Variants in GFRA1 observed in about 807,000 individuals in gnomAD.
GFRA1 encodes the protein GDNF family receptor alpha-1.
In GFRA1, 16 loss-of-function variants were observed where a neutral mutation model predicts 51.6. That is an observed-to-expected ratio of 0.31 (90% CI 0.21 to 0.47). The LOEUF is 0.47. Ranked by LOEUF, GFRA1 falls within the 20% of genes least tolerant of loss-of-function variation. GFRA1 has a pLI of 1.00. For synonymous variants in GFRA1, 270 were observed against 241.3 expected (o/e 1.12, Z -1.10); for missense variants, 530 against 594.3 (o/e 0.89, Z 1.13).
intron 5 of GFRA1, among the ~76,000 whole-genome samples, chr10:116,188,505 G>C (rs1249757064): frequency 2.6e-5 from 4 of 152,188 alleles, no homozygotes; most frequent in African/African-American, 4.8e-5. Flanking sequence ...TAGAGTTTCA[G>C]TTTGGGATGA....
At chr10:116,200,195 A>G (rs1405993991) in intron 5 of GFRA1, among the ~76,000 whole-genome samples, 1 of 152,198 alleles carries the variant, frequency 6.6e-6, no homozygotes, top group East Asian at 1.9e-4. Context: ...TCTCCTTCTT[A>G]GACACATGCT....
chr10:116,271,971 G>A lies in GFRA1; in HGVS notation c.40+19C>T, dbSNP rs1431418398. On this transcript the variant is annotated intron_variant, in intron 2 of 10. Transcript: ENST00000355422. The stretch of plus-strand genomic sequence containing the variant: ...AAAGACTCAGAGGGTAAGAAAGCCC[G>A]CGGCGGGCCTCGACTTACCCAAGAG... 7 of 1,548,954 alleles carry A rather than the reference G, an allele frequency of 4.5e-6. No individual in the cohort carries two copies. The East Asian group carries it at 9.8e-5, about 22-fold the overall frequency.
chr10:116,241,358 G>GAA (rs144131265), intron 4 of GFRA1, among the ~76,000 whole-genome samples: 1,717 of 152,254 alleles, frequency 0.011, 31 homozygotes, highest in African/African-American at 0.038. Flanking sequence ...TTGGAGAACC[G>GAA]AATCTGTCAA....
intron 4 of GFRA1, among the ~76,000 whole-genome samples, chr10:116,245,501 G>T (rs117853568): frequency 6.6e-6 from 1 of 152,214 alleles, no homozygotes; most frequent in Non-Finnish European, 1.5e-5. Context: ...TGGTACAGCC[G>T]CTTTGCAAGA....
chr10:116,165,659 T>TCTCA (rs1960306362), intron 5 of GFRA1, among the ~76,000 whole-genome samples: 1 of 32,428 alleles, frequency 3.1e-5, no homozygotes, highest in East Asian at 8.3e-4. Flanking sequence ...GCTCTTTCTC[T>TCTCA]CACTCTCACA....
At chr10:116,241,009 G>C (rs1210660205) in intron 4 of GFRA1, among the ~76,000 whole-genome samples, 4 of 152,088 alleles carry the variant, frequency 2.6e-5, no homozygotes, top group Admixed American at 1.3e-4. Flanking sequence ...ATCTGCTCCA[G>C]ACCTTAAGCT....
intron 5 of GFRA1, among the ~76,000 whole-genome samples, chr10:116,194,414 G>C (rs1963556245): frequency 6.6e-6 from 1 of 152,174 alleles, no homozygotes; most frequent in South Asian, 2.1e-4. Context: ...GAACCCAGTA[G>C]ACACTCTGTT....
Position 116,272,352 on chromosome 10 carries a change from C to T in GFRA1, c.-246-77G>A. The T allele has an allele frequency of 2.1e-6, 1 of 468,764 alleles. No homozygotes were observed. Among genetic ancestry groups the T allele is most frequent in the Middle Eastern group, 6.0e-4 (1 of 1,674 alleles). The allele number at this position is 468,764 out of a possible 1,614,324, so 29.0% of individuals were successfully genotyped here. On this transcript the variant is annotated intron_variant, in intron 1 of 10. Transcript: ENST00000355422. This position sits in a 1 kb window ranked among gnomAD's most constrained non-coding sequence, Gnocchi z 4.4. Reference sequence around the variant, plus strand: ...CCCCACAGAACCCTCTCCCCTCCCCCGTTCCCGCCTTTGGGGAATTTCCAA... The same window carrying T: ...CCCCACAGAACCCTCTCCCCTCCCCTGTTCCCGCCTTTGGGGAATTTCCAA...
At chr10:116,161,212 A>C (rs947379539) in intron 5 of GFRA1, among the ~76,000 whole-genome samples, 1 of 152,182 alleles carries the variant, frequency 6.6e-6, no homozygotes, top group African/African-American at 2.4e-5. Context: ...CAGATGCTCC[A>C]CAATTTTCTG....
intron 7 of GFRA1, 69 bp downstream of exon 7, chr10:116,096,586 G>A: frequency 2.4e-6 from 2 of 836,802 alleles, no homozygotes; most frequent in Admixed American, 1.9e-5. Context: ...CATCAGCAAG[G>A]CGCAATGGAA....
At chr10:116,173,188 CA>C (rs1961216216) in intron 5 of GFRA1, among the ~76,000 whole-genome samples, 1 of 152,094 alleles carries the variant, frequency 6.6e-6, no homozygotes, top group Non-Finnish European at 1.5e-5. Flanking sequence ...TAGATGATTC[CA>C]TCTCATCCTC....
chr10:116,200,467 G>A (rs78155808), intron 5 of GFRA1, among the ~76,000 whole-genome samples: 623 of 152,302 alleles, frequency 4.1e-3, no homozygotes, highest in Non-Finnish European at 5.6e-3. Context: ...GGATAGAGAC[G>A]GAGATTAGTG....
Position 116,071,031 on chromosome 10 carries a change from G to A in GFRA1, c.1198-5405C>T, listed in dbSNP as rs571436021. ...AATAAAACCTGCTCTGAGCCTGTGGGCTGGGGTGTTTTTCTTCCAGAGCCT... is the reference window on the plus strand; with the variant it reads ...AATAAAACCTGCTCTGAGCCTGTGGACTGGGGTGTTTTTCTTCCAGAGCCT... On this transcript the variant is annotated intron_variant, in intron 9 of 10. Coordinates refer to ENST00000355422, the MANE Select transcript of GFRA1 (RefSeq NM_005264.8). Among the ~76,000 whole-genome samples, 94 of 152,324 alleles carry A rather than the reference G, an allele frequency of 6.2e-4. 4 individuals are homozygous for A. The South Asian group carries it at 0.018, about 29-fold the overall frequency.
At chr10:116,093,936 T>G in intron 7 of GFRA1, 100 bp from the exon 8 acceptor site, 3 of 1,118,070 alleles carry the variant, frequency 2.7e-6, no homozygotes, top group Non-Finnish European at 4.1e-6. Context: ...GCACCGTGGA[T>G]AATTACAGAC....
At chr10:116,231,234 T>C (rs1274039867) in intron 4 of GFRA1, among the ~76,000 whole-genome samples, 1 of 152,172 alleles carries the variant, frequency 6.6e-6, no homozygotes, top group East Asian at 1.9e-4. Context: ...AGACCTGTCC[T>C]AATGACTTTG....
At chr10:116,125,672 T>A in intron 5 of GFRA1, 115 bp from the exon 6 acceptor site, 2 of 813,316 alleles carry the variant, frequency 2.5e-6, no homozygotes, top group Non-Finnish European at 4.1e-6. Context: ...CTCTAGAACT[T>A]AATGAGTTTT....
At chr10:116,234,408 A>G (rs11812459) in intron 4 of GFRA1, among the ~76,000 whole-genome samples, 83,825 of 151,938 alleles carry the variant, frequency 0.55, 23,162 homozygotes, top group East Asian at 0.58. Context: ...TTTTCACCTG[A>G]AACAGGTGTT....
intron 4 of GFRA1, among the ~76,000 whole-genome samples, chr10:116,236,810 T>C (rs1332301293): frequency 2.0e-5 from 3 of 152,170 alleles, no homozygotes; most frequent in Non-Finnish European, 4.4e-5. Flanking sequence ...ACCGCCTTGG[T>C]GAGATCCTGT....
At chr10:116,232,127 C>A (rs1966716281) in intron 4 of GFRA1, among the ~76,000 whole-genome samples, 1 of 152,128 alleles carries the variant, frequency 6.6e-6, no homozygotes, top group Non-Finnish European at 1.5e-5. Context: ...GTAAGAGTGC[C>A]GCCCTTTTAT....
Sources: allele counts gnomAD v4.1 joint callset (sites outside exome capture counted in the v4.1 genomes callset), GRCh38; gene constraint gnomAD v4.1.1; non-coding constraint Gnocchi (gnomAD v3.1); transcripts MANE v1.5; gene names NCBI Gene and HGNC (gene_info 2026-07-23, HGNC 2026-07-21).